The following GDNF variants were observed in gnomAD, a reference collection of about 807,000 sequenced individuals.
GDNF encodes glial cell derived neurotrophic factor.
A neutral mutation model predicts 13.7 loss-of-function variants in GDNF; 5 were observed. The observed-to-expected ratio is 0.36, with a 90% confidence interval of 0.19 to 0.77. The LOEUF is 0.77. Ranked by LOEUF, GDNF falls within the 30% of genes least tolerant of loss-of-function variation. The pLI is 0.51. For missense variants in GDNF, 246 were observed against 274.3 expected (o/e 0.90, Z 0.73); for synonymous variants, 122 against 112.5 (o/e 1.08, Z -0.53).
intron 2 of GDNF, among the ~76,000 whole-genome samples, chr5:37,830,006 T>A (rs1305858564): frequency 6.6e-6 from 1 of 152,158 alleles, no homozygotes; most frequent in Non-Finnish European, 1.5e-5. Flanking sequence ...ATTCATACAG[T>A]CCCTAAGCGA....
Position 37,815,939 on chromosome 5 carries a change from C to T in GDNF, c.348G>A (p.Arg116=). ...KGRRGQRGKN[R]GCVLTAIHLN... ...AATGTATTGCAGTTAAGACACAACCCCGGTTTTTGCCCCTCTGGCCTCTCC... is the reference window on the plus strand; with the variant it reads ...AATGTATTGCAGTTAAGACACAACCTCGGTTTTTGCCCCTCTGGCCTCTCC... Residue 116 remains arginine, a synonymous_variant, in exon 3 of 3, where the codon CGG becomes CGA. Transcript: ENST00000326524. This position sits in a 1 kb window ranked among gnomAD's most constrained non-coding sequence, Gnocchi z 5.0. The T allele has an allele frequency of 1.2e-6, 2 of 1,614,180 alleles. No individual in the cohort carries two copies. Among genetic ancestry groups the T allele is most frequent in the Non-Finnish European group, 8.5e-7 (1 of 1,180,038 alleles).
intron 2 of GDNF, 142 bp from the exon 3 acceptor site, chr5:37,816,277 T>C (rs1179190884): frequency 1.3e-6 from 1 of 767,442 alleles, no homozygotes; most frequent in Non-Finnish European, 2.2e-6. Context: ...AGGACCACTG[T>C]AATCCCCAAA....
At position 37,839,181 on chromosome 5, in the gene GDNF, T is replaced by C. The variant is rs1394136995; in HGVS notation, c.-27+326A>G. On this transcript the variant is annotated intron_variant, in intron 1 of 2. Coordinates refer to ENST00000326524, the MANE Select transcript of GDNF (RefSeq NM_000514.4). The surrounding 1 kb of genome is among the most constrained non-coding windows in gnomAD (Gnocchi z 5.5). ...ATGACCCAAGCCCTGAATCGTTCTG[T>C]GACTTGACGGAAGAGCACCTGGCCG... 6.6e-6 allele frequency among the ~76,000 whole-genome samples: 1 copy of C among 152,170 alleles called. No homozygotes were observed. The highest frequency in any genetic ancestry group is 1.5e-5 in the Non-Finnish European group (1 of 68,034).
chr5:37,828,911 A>G (rs1338959050), intron 2 of GDNF, among the ~76,000 whole-genome samples: 1 of 152,282 alleles, frequency 6.6e-6, no homozygotes, highest in African/African-American at 2.4e-5. Context: ...TAAAAGCACA[A>G]CACCTCAAAA....
chr5:37,835,961 G>A, intron 1 of GDNF: 1 of 457,478 alleles, frequency 2.2e-6, no homozygotes, highest in South Asian at 3.0e-5. Context: ...CGCAGCTGGG[G>A]GTGGGTTAGA....
chr5:37,816,612 A>G (rs1264558536), intron 2 of GDNF, among the ~76,000 whole-genome samples: 1 of 152,202 alleles, frequency 6.6e-6, no homozygotes, highest in African/African-American at 2.4e-5. Flanking sequence ...GGGACCAAGG[A>G]ATCTGCATTT....
intron 2 of GDNF, among the ~76,000 whole-genome samples, chr5:37,829,954 C>A (rs74726883): frequency 2.2e-4 from 34 of 152,326 alleles, no homozygotes; most frequent in African/African-American, 7.9e-4. Context: ...AGTGGCAGAG[C>A]TCCTTTCCAG....
intron 2 of GDNF, among the ~76,000 whole-genome samples, chr5:37,819,458 T>TG (rs947302652): frequency 1.7e-4 from 25 of 149,890 alleles, no homozygotes; most frequent in Non-Finnish European, 3.6e-4. Flanking sequence ...TTTTTTTTTT[T>TG]TTTTTGTTTT....
chr5:37,831,819 C>T (rs1750531983), intron 2 of GDNF, among the ~76,000 whole-genome samples: 1 of 152,128 alleles, frequency 6.6e-6, no homozygotes, highest in East Asian at 1.9e-4. Context: ...AAGCAAAATA[C>T]TGGCAAAATA....
chr5:37,835,724 C>G, intron 1 of GDNF: 1 of 1,390,838 alleles, frequency 7.2e-7, no homozygotes, highest in Non-Finnish European at 1.0e-6. Context: ...ATTTTTGCAC[C>G]TTTGAGAGAT....
At position 37,837,400 on chromosome 5, in the gene GDNF, T is replaced by G. The variant is rs564428892; in HGVS notation, c.-27+2107A>C. Among the ~76,000 whole-genome samples, 1 of 152,220 alleles carries G rather than the reference T, an allele frequency of 6.6e-6. No homozygotes were observed. Among genetic ancestry groups the G allele is most frequent in the East Asian group, 1.9e-4 (1 of 5,144 alleles). ...CGTGCCTGGCAAGCTGGTCCCCTTC[T>G]GGGTCCGGGACCACCACGTCCCGGC... On this transcript the variant is annotated intron_variant, in intron 1 of 2. Transcript: ENST00000326524. The surrounding 1 kb of genome is among the most constrained non-coding windows in gnomAD (Gnocchi z 6.5).
In GDNF at chr5:37,834,628, G is replaced by A; in HGVS notation, c.151+18C>T. 1 of 1,499,552 alleles carries A rather than the reference G, an allele frequency of 6.7e-7. No homozygotes were observed. Among genetic ancestry groups the A allele is most frequent in the Non-Finnish European group, 8.9e-7 (1 of 1,128,676 alleles). The allele number at this position is 1,499,552 out of a possible 1,614,324, so 92.9% of individuals were successfully genotyped here. A position where few individuals can be genotyped will look rare whatever the true frequency, so the allele number is the denominator to read the frequency against. ...GGGTCCGCCGGCGGCCCCCCCGCGG[G>A]GAGGGAACGGTTCTTACAGTCACTG... On this transcript the variant is annotated intron_variant, in intron 2 of 2. Transcript: ENST00000326524.
At chr5:37,816,205 A>G in intron 2 of GDNF, 70 bp from the exon 3 acceptor site, 1 of 1,544,808 alleles carries the variant, frequency 6.5e-7, no homozygotes. Flanking sequence ...TCAAGATCAA[A>G]GTGCCCCCCT....
At chr5:37,819,287 A>G (rs1389741195) in intron 2 of GDNF, among the ~76,000 whole-genome samples, 2 of 152,082 alleles carry the variant, frequency 1.3e-5, no homozygotes, top group East Asian at 3.9e-4. Flanking sequence ...ATTGCCCACC[A>G]GAGAGCTGAA....
chr5:37,820,196 G>A (rs899539237), intron 2 of GDNF, among the ~76,000 whole-genome samples: 7 of 152,120 alleles, frequency 4.6e-5, no homozygotes, highest in African/African-American at 9.7e-5. Flanking sequence ...TCAGAAATGA[G>A]GGTAAAACAT....
At chr5:37,816,932 C>T (rs62360371) in intron 2 of GDNF, among the ~76,000 whole-genome samples, 9,111 of 152,266 alleles carry the variant, frequency 0.06, 397 homozygotes, top group Non-Finnish European at 0.093. Context: ...TTTACCGCTT[C>T]CTTTGAACAG....
At position 37,815,432 on chromosome 5, in the gene GDNF, C is replaced by T. The variant is rs1749874733; in HGVS notation, c.*219G>A. ...TCCAGAGGGCTGTTTTCTCTCTCTCCTGTCCAGTTGTCTGTAGCTGGATCT... is the reference window on the plus strand; with the variant it reads ...TCCAGAGGGCTGTTTTCTCTCTCTCTTGTCCAGTTGTCTGTAGCTGGATCT... On this transcript the variant is annotated 3_prime_UTR_variant, in exon 3 of 3. Transcript: ENST00000326524. The surrounding 1 kb of genome is among the most constrained non-coding windows in gnomAD (Gnocchi z 5.0). 3 of 606,086 alleles carry T rather than the reference C, an allele frequency of 4.9e-6. No individual in the cohort carries two copies. The South Asian group carries it at 5.8e-5, about 12-fold the overall frequency. The allele number at this position is 606,086 out of a possible 1,614,324, so 37.5% of individuals were successfully genotyped here. A position where few individuals can be genotyped will look rare whatever the true frequency, so the allele number is the denominator to read the frequency against.
intron 1 of GDNF, chr5:37,835,787 C>T (rs1750683506): frequency 6.3e-6 from 5 of 790,544 alleles, no homozygotes; most frequent in South Asian, 4.5e-5. Context: ...CCCGCGCCCC[C>T]GTCACGCCTG....
chr5:37,816,193 C>T, intron 2 of GDNF, 58 bp from the exon 3 acceptor site: 2 of 1,592,956 alleles, frequency 1.3e-6, no homozygotes, highest in African/African-American at 1.3e-5. Context: ...TTCAAGCCGT[C>T]TTCAAGATCA....
Sources: gnomAD v4.1 joint callset for allele counts (sites outside exome capture counted in the v4.1 genomes callset) on GRCh38, gnomAD v4.1.1 for gene constraint, Gnocchi (gnomAD v3.1) non-coding constraint, MANE v1.5 for transcripts, NCBI Gene and HGNC (gene_info 2026-07-23, HGNC 2026-07-21) for gene names.